GSAP: variants seen among roughly 807,000 people sequenced by gnomAD.
The protein encoded by GSAP is gamma-secretase activating protein, also known as gamma-secretase-activating protein.
In GSAP, 118 loss-of-function variants were observed where a neutral mutation model predicts 131.7. The ratio of observed to expected loss-of-function variants is 0.90; its 90% CI spans 0.77 to 1.04. The LOEUF (loss-of-function observed/expected upper bound fraction) is 1.04, where lower values mean the gene tolerates loss of function less well. Ranked by LOEUF, GSAP falls within the 50% of genes least tolerant of loss-of-function variation. GSAP has a pLI of 0.00. For synonymous variants in GSAP, 381 were observed against 363.4 expected, an observed-to-expected ratio of 1.05 and a Z score of -0.55; for missense variants, 1,019 against 1,013.2, an observed-to-expected ratio of 1.01 and a Z score of -0.08.
chr7:77,314,177 C>A (rs1794718817), intron 27 of GSAP, among the ~76,000 whole-genome samples, 193 bp downstream of exon 27: 1 of 152,154 alleles, frequency 6.6e-6, no homozygotes, highest in Admixed American at 6.5e-5. Flanking sequence ...GGGCTCAGCA[C>A]AAAATGAACA....
chr7:77,411,098 T>TAAAAAAAAAAAAAA (rs57255266), intron 1 of GSAP, among the ~76,000 whole-genome samples: 1 of 108,836 alleles, frequency 9.2e-6, no homozygotes. Flanking sequence ...AAGAAAATAG[T>TAAAAAAAAAAAAAA]AAAAAAAAAA....
In GSAP at chr7:77,329,340, C is replaced by A; in HGVS notation, c.1726G>T (p.Ala576Ser). The A allele has an allele frequency of 3.8e-6, 6 of 1,564,102 alleles. No individual in the cohort carries two copies. Among genetic ancestry groups the A allele is most frequent in the Non-Finnish European group, 4.4e-6 (5 of 1,146,696 alleles). ...ACCTCTGCTTTCACTTACTTTACTG[C>A]ATTATCAAGAATATTCCTCACGTAT... ...AAYVRNILDNAVKVISNLEAR... is the reference protein window; with the variant it reads ...AAYVRNILDNSVKVISNLEAR... Residue 576 changes from alanine to serine, a missense_variant, in exon 21 of 31, where the codon GCA becomes TCA. Physicochemically the swap from Ala to Ser is moderately conservative, Grantham distance 99. Coordinates refer to ENST00000257626, the MANE Select transcript of GSAP (RefSeq NM_017439.4).
chr7:77,344,218 CCAAG>C (rs1465145169), intron 19 of GSAP, among the ~76,000 whole-genome samples: 1 of 152,124 alleles, frequency 6.6e-6, no homozygotes, highest in Non-Finnish European at 1.5e-5. Context: ...GTCAAATCAC[CCAAG>C]CAGTTTCTCA....
Position 77,395,718 on chromosome 7 carries a change from G to T in GSAP, c.367+1264C>A, listed in dbSNP as rs1800268730. ...TGCAGACTAGGCTCTGGGGAAATGT[G>T]TGTCATGAGAAGCCTGGGAGTGCCT... On this transcript the variant is annotated intron_variant, in intron 5 of 30. Coordinates refer to ENST00000257626, the MANE Select transcript of GSAP (RefSeq NM_017439.4). Among the ~76,000 whole-genome samples the T allele has an allele frequency of 3.3e-5, 5 of 152,302 alleles. No homozygotes were observed. In the South Asian group the frequency reaches 1.0e-3, roughly 32 times the overall value.
At chr7:77,334,580 T>TAA (rs57442782) in intron 19 of GSAP, among the ~76,000 whole-genome samples, 9,724 of 81,840 alleles carry the variant, frequency 0.12, 931 homozygotes, top group South Asian at 0.21. Context: ...ACTTAAAATT[T>TAA]AAAAAAAAAA....
chr7:77,349,738 TG>T (rs774596876), intron 18 of GSAP, among the ~76,000 whole-genome samples: 193 of 152,308 alleles, frequency 1.3e-3, no homozygotes, highest in Middle Eastern at 3.4e-3. Flanking sequence ...TTGCACCAAA[TG>T]TAACGATAAA....
chr7:77,408,157 G>A (rs1325713097), intron 1 of GSAP, among the ~76,000 whole-genome samples: 1 of 152,158 alleles, frequency 6.6e-6, no homozygotes, highest in East Asian at 1.9e-4. Flanking sequence ...GTTTCACTTG[G>A]TGAAAATTAA....
intron 8 of GSAP, among the ~76,000 whole-genome samples, chr7:77,379,386 T>TA (rs1038122472): frequency 5.9e-5 from 9 of 151,368 alleles, no homozygotes; most frequent in African/African-American, 2.2e-4. Flanking sequence ...CCCTGCATGA[T>TA]AGAGATGGTA....
At chr7:77,385,671 G>A (rs1344729550) in intron 6 of GSAP, among the ~76,000 whole-genome samples, 3 of 152,290 alleles carry the variant, frequency 2.0e-5, no homozygotes, top group Non-Finnish European at 2.9e-5. Context: ...CTTCAGGCCA[G>A]GCCATATCTG....
intron 12 of GSAP, among the ~76,000 whole-genome samples, chr7:77,367,776 G>C (rs944862826): frequency 6.6e-6 from 1 of 152,174 alleles, no homozygotes; most frequent in African/African-American, 2.4e-5. Flanking sequence ...AGTAGGAATG[G>C]TACCAGCTTT....
At position 77,328,859 on chromosome 7, in the gene GSAP, GAAC is replaced by G. The variant is rs555072200; in HGVS notation, c.1734-225_1734-223del. On this transcript the variant is annotated intron_variant, in intron 21 of 30. Coordinates refer to ENST00000257626, the MANE Select transcript of GSAP (RefSeq NM_017439.4). Reference sequence around the variant, plus strand: ...TAGTGCCAACAACGGCAATAATTTAGAACAACTGTAGCTCTCAGTTATTGAAAA... The same window carrying G: ...TAGTGCCAACAACGGCAATAATTTAGAACTGTAGCTCTCAGTTATTGAAAA... Among the ~76,000 whole-genome samples, 50 of 152,246 alleles carry G rather than the reference GAAC, an allele frequency of 3.3e-4. 3 individuals carry two copies. The East Asian group carries it at 9.6e-3, about 29-fold the overall frequency.
At chr7:77,350,007 C>T (rs1792545593) in intron 18 of GSAP, among the ~76,000 whole-genome samples, 1 of 151,972 alleles carries the variant, frequency 6.6e-6, no homozygotes, top group Non-Finnish European at 1.5e-5. Flanking sequence ...ATAGCAAAGA[C>T]TTGGAACCAA....
At chr7:77,405,308 AAAT>A (rs148606697) in intron 2 of GSAP, among the ~76,000 whole-genome samples, 5,270 of 152,294 alleles carry the variant, frequency 0.035, 302 homozygotes, top group African/African-American at 0.12. Flanking sequence ...TCTAAAAACA[AAAT>A]AATAATAATG....
At position 77,353,030 on chromosome 7, in the gene GSAP, AG is replaced by A; in HGVS notation, c.1409-5del. On this transcript the variant is annotated splice_region_variant and splice_polypyrimidine_tract_variant and intron_variant, in intron 17 of 30. Transcript: ENST00000257626. The stretch of plus-strand genomic sequence containing the variant: ...TATACACTCCAGTATGAAGAAGCTG[AG>A]TAGATTTTTTTTGAAACAGGGGGAA... The A allele has an allele frequency of 6.4e-7, 1 of 1,574,638 alleles. No individual in the cohort carries two copies. The highest frequency in any genetic ancestry group is 8.7e-7 in the Non-Finnish European group (1 of 1,145,114).
At chr7:77,320,049 AT>A (rs897944949) in intron 26 of GSAP, among the ~76,000 whole-genome samples, 1 of 152,328 alleles carries the variant, frequency 6.6e-6, no homozygotes, top group African/African-American at 2.4e-5. Flanking sequence ...CAATAAAAAA[AT>A]GAACTGATAT....
chr7:77,373,884 G>T (rs548351747), intron 12 of GSAP, among the ~76,000 whole-genome samples, 186 bp downstream of exon 12: 1 of 152,292 alleles, frequency 6.6e-6, no homozygotes, highest in South Asian at 2.1e-4. Flanking sequence ...AATAACTGTG[G>T]CTTCCTCAAT....
intron 23 of GSAP, among the ~76,000 whole-genome samples, chr7:77,325,121 T>A (rs1788152885): frequency 6.6e-6 from 1 of 152,178 alleles, no homozygotes; most frequent in African/African-American, 2.4e-5. Flanking sequence ...CAGCCATGTT[T>A]GCCATACTAT....
chr7:77,361,657 T>C (rs534066063), intron 13 of GSAP, among the ~76,000 whole-genome samples: 1 of 152,292 alleles, frequency 6.6e-6, no homozygotes, highest in South Asian at 2.1e-4. Flanking sequence ...TCTTTATCTT[T>C]AAAAAAATTT....
intron 12 of GSAP, among the ~76,000 whole-genome samples, chr7:77,372,855 T>TCTCA (rs1313144506): frequency 5.3e-5 from 8 of 152,208 alleles, no homozygotes; most frequent in African/African-American, 1.9e-4. Context: ...GCTTTCTCTC[T>TCTCA]CTCACTCACT....
Sources: allele counts gnomAD v4.1 joint callset (sites outside exome capture counted in the v4.1 genomes callset), GRCh38; gene constraint gnomAD v4.1.1; transcripts MANE v1.5; gene names NCBI Gene and HGNC (gene_info 2026-07-23, HGNC 2026-07-21).